ENTREP2: variants seen among roughly 807,000 people sequenced by gnomAD.
ENTREP2 encodes protein ENTREP2.
the ENTREP2 span, among the ~76,000 whole-genome samples, chr15:29,531,766 A>G: frequency 2.0e-5 from 3 of 152,136 alleles, no homozygotes; most frequent in Non-Finnish European, 4.4e-5. Flanking sequence ...CCCAGGTTCA[A>G]GCGATTCTCC....
At chr15:29,664,021 T>A in the ENTREP2 span, among the ~76,000 whole-genome samples, 6 of 137,896 alleles carry the variant, frequency 4.4e-5, no homozygotes, top group Admixed American at 2.2e-4. Flanking sequence ...AGAGTGAAAC[T>A]CCATCTCAAA....
the ENTREP2 span, among the ~76,000 whole-genome samples, chr15:29,294,488 A>G: frequency 1.3e-5 from 2 of 152,196 alleles, no homozygotes; most frequent in Non-Finnish European, 2.9e-5. Context: ...CAGTGGGGAA[A>G]TGAGGCAAAC....
chr15:29,477,522 C>T, the ENTREP2 span, among the ~76,000 whole-genome samples: 15 of 152,254 alleles, frequency 9.9e-5, no homozygotes, highest in East Asian at 1.9e-3. Context: ...TGTGGATACA[C>T]GCTGAAAGCC....
chr15:29,271,653 A>T, the ENTREP2 span, among the ~76,000 whole-genome samples: 1 of 152,014 alleles, frequency 6.6e-6, no homozygotes, highest in Non-Finnish European at 1.5e-5. Flanking sequence ...CGGTGCATGT[A>T]GCCCCTGTCA....
the ENTREP2 span, among the ~76,000 whole-genome samples, chr15:29,245,985 C>T: frequency 6.6e-6 from 1 of 152,116 alleles, no homozygotes; most frequent in African/African-American, 2.4e-5. Flanking sequence ...ATTTTTTTCT[C>T]TAGATCTGTT....
At chr15:29,311,545 C>T in the ENTREP2 span, among the ~76,000 whole-genome samples, 4 of 152,214 alleles carry the variant, frequency 2.6e-5, no homozygotes, top group East Asian at 3.9e-4. Context: ...CAAAAATTAG[C>T]AGGGTGTGGT....
the ENTREP2 span, among the ~76,000 whole-genome samples, chr15:29,511,332 CTTT>C: frequency 4.3e-5 from 5 of 115,916 alleles, no homozygotes; most frequent in African/African-American, 7.2e-5. Flanking sequence ...TTTTCTTCTT[CTTT>C]TTTCTTTTCT....
At chr15:29,188,618 G>C in the ENTREP2 span, among the ~76,000 whole-genome samples, 1 of 152,172 alleles carries the variant, frequency 6.6e-6, no homozygotes, top group Non-Finnish European at 1.5e-5. Context: ...GCATAGTAGA[G>C]AATCTTCTGT....
chr15:29,284,347 C>G, the ENTREP2 span, among the ~76,000 whole-genome samples: 1 of 152,006 alleles, frequency 6.6e-6, no homozygotes, highest in African/African-American at 2.4e-5. Flanking sequence ...CACTTGAGGT[C>G]AGGAGTTCCA....
At chr15:29,454,335 T>C in the ENTREP2 span, among the ~76,000 whole-genome samples, 1 of 152,212 alleles carries the variant, frequency 6.6e-6, no homozygotes, top group African/African-American at 2.4e-5. Flanking sequence ...AGGGATGGAT[T>C]GGCAGGTGGA....
chr15:29,615,308 A>G, the ENTREP2 span, among the ~76,000 whole-genome samples: 1 of 151,726 alleles, frequency 6.6e-6, no homozygotes, highest in African/African-American at 2.4e-5. Context: ...GGCACACACC[A>G]CCATGCTGGG....
the ENTREP2 span, chr15:29,381,710 C>A: frequency 7.2e-7 from 1 of 1,383,440 alleles, no homozygotes; most frequent in Non-Finnish European, 1.0e-6. Context: ...CTGCCTCCAA[C>A]CTGCTCACGC....
the ENTREP2 span, among the ~76,000 whole-genome samples, chr15:29,172,185 C>T: frequency 6.6e-6 from 1 of 152,154 alleles, no homozygotes; most frequent in Non-Finnish European, 1.5e-5. Context: ...CCAAAATCCA[C>T]ACAGTCTTAA....
the ENTREP2 span, among the ~76,000 whole-genome samples, chr15:29,291,189 T>C: frequency 6.6e-6 from 1 of 152,188 alleles, no homozygotes; most frequent in Non-Finnish European, 1.5e-5. Flanking sequence ...ATCCAGTCCA[T>C]ACTATGCATT....
At chr15:29,300,348 TGGGA>T in the ENTREP2 span, among the ~76,000 whole-genome samples, 1 of 15,246 alleles carries the variant, frequency 6.6e-5, no homozygotes, top group Non-Finnish European at 1.1e-4. Context: ...GATGGATGGG[TGGGA>T]GGGTGGGTAA....
the ENTREP2 span, among the ~76,000 whole-genome samples, chr15:29,224,764 G>A: frequency 6.6e-6 from 1 of 152,342 alleles, no homozygotes; most frequent in South Asian, 2.1e-4. Flanking sequence ...CGCAGGTGGA[G>A]CTGCCTGCCA....
chr15:29,225,308 C>T, the ENTREP2 span, among the ~76,000 whole-genome samples: 1 of 152,260 alleles, frequency 6.6e-6, no homozygotes, highest in East Asian at 1.9e-4. Context: ...GCTGTCACCT[C>T]TCAGAAGCAG....
At chr15:29,376,064 C>T in the ENTREP2 span, 5 of 152,108 alleles carry the variant, frequency 3.3e-5, no homozygotes, top group South Asian at 1.0e-3. Context: ...TAGATTAGTG[C>T]TTCTTAAAGT....
At chr15:29,443,063 G>A in the ENTREP2 span, among the ~76,000 whole-genome samples, 1 of 152,216 alleles carries the variant, frequency 6.6e-6, no homozygotes, top group Admixed American at 6.5e-5. Context: ...TTCATGCTGA[G>A]ATACAGTGCA....
Sources: gnomAD v4.1 joint callset for allele counts (sites outside exome capture counted in the v4.1 genomes callset) on GRCh38, gnomAD v4.1.1 for gene constraint, MANE v1.5 for transcripts, NCBI Gene and HGNC (gene_info 2026-07-23, HGNC 2026-07-21) for gene names.